PAPSS1: variants seen among roughly 807,000 people sequenced by gnomAD.
The protein encoded by PAPSS1 is bifunctional 3'-phosphoadenosine 5'-phosphosulfate synthase 1.
Under a neutral mutation model 72.0 loss-of-function variants are expected in PAPSS1, and 50 were observed. The observed-to-expected ratio is 0.69, with a 90% CI of 0.55 to 0.88. PAPSS1 has a LOEUF of 0.88. Among genes scored for constraint, PAPSS1 ranks in the 40% least tolerant of loss-of-function variants. The pLI is 0.00. For synonymous variants in PAPSS1, 261 were observed against 263.6 expected, an observed-to-expected ratio of 0.99 and a Z score of 0.09; for missense variants, 657 against 782.2, an observed-to-expected ratio of 0.84 and a Z score of 1.91.
At chr4:107,617,749 A>C (rs1725858490) in intron 11 of PAPSS1, among the ~76,000 whole-genome samples, 1 of 152,216 alleles carries the variant, frequency 6.6e-6, no homozygotes, top group African/African-American at 2.4e-5. Context: ...AAAGATTAAC[A>C]GATATTGCTT....
chr4:107,650,014 A>G (rs1292254051), intron 9 of PAPSS1, among the ~76,000 whole-genome samples: 1 of 152,226 alleles, frequency 6.6e-6, no homozygotes, highest in Non-Finnish European at 1.5e-5. Flanking sequence ...CCAGCTACAG[A>G]ATGGTCTAAG....
intron 9 of PAPSS1, among the ~76,000 whole-genome samples, chr4:107,646,987 C>T (rs993482330): frequency 6.6e-6 from 1 of 152,180 alleles, no homozygotes. Flanking sequence ...TTCATCATCT[C>T]TTCACAAGAT....
intron 11 of PAPSS1, among the ~76,000 whole-genome samples, chr4:107,615,738 C>G (rs765248111): frequency 8.5e-5 from 13 of 152,070 alleles, no homozygotes; most frequent in Admixed American, 5.9e-4. Context: ...AAACTATATA[C>G]AAACATTGCT....
At chr4:107,718,403 T>TAA (rs200620384) in intron 1 of PAPSS1, 1 of 151,900 alleles carries the variant, frequency 6.6e-6, no homozygotes, top group African/African-American at 2.4e-5. Flanking sequence ...GTTTCTGGAG[T>TAA]AAAAAAAATA....
At chr4:107,615,849 G>C (rs1195326440) in intron 11 of PAPSS1, among the ~76,000 whole-genome samples, 1 of 152,148 alleles carries the variant, frequency 6.6e-6, no homozygotes, top group East Asian at 1.9e-4. Context: ...AGAAAAGAAA[G>C]AGACAGGAGA....
At chr4:107,667,781 A>C (rs1294275500) in intron 5 of PAPSS1, among the ~76,000 whole-genome samples, 1 of 152,210 alleles carries the variant, frequency 6.6e-6, no homozygotes, top group Non-Finnish European at 1.5e-5. Flanking sequence ...TCATTAGGCA[A>C]AATGTGCCTC....
chr4:107,634,577 T>C (rs1431590951), intron 10 of PAPSS1, among the ~76,000 whole-genome samples: 1 of 152,118 alleles, frequency 6.6e-6, no homozygotes, highest in Non-Finnish European at 1.5e-5. Context: ...TATCTACACA[T>C]CATTTAAAAT....
intron 3 of PAPSS1, among the ~76,000 whole-genome samples, chr4:107,688,654 C>A (rs565676822): frequency 2.0e-5 from 3 of 152,124 alleles, no homozygotes; most frequent in African/African-American, 7.2e-5. Context: ...TCCCTTAACA[C>A]TGGAGTTGCC....
At chr4:107,705,191 T>C (rs1723308473) in intron 1 of PAPSS1, among the ~76,000 whole-genome samples, 2 of 152,184 alleles carry the variant, frequency 1.3e-5, no homozygotes, top group Admixed American at 1.3e-4. Flanking sequence ...TTTGGAAGTA[T>C]TCCCTCTTTA....
chr4:107,653,500 T>C lies in PAPSS1; in HGVS notation c.1228A>G (p.Met410Val), dbSNP rs540903836. 1.6e-5 allele frequency: 26 copies of C among 1,611,400 alleles called. No individual in the cohort carries two copies. The highest frequency in any genetic ancestry group is 2.7e-5 in the African/African-American group (2 of 74,854). Reference sequence around the variant, plus strand: ...TAAATCCATGTCTTACCAGCATTCATATCTTTAAATTTCTGCTTTAGCTCA... The same window carrying C: ...TAAATCCATGTCTTACCAGCATTCACATCTTTAAATTTCTGCTTTAGCTCA... Reference protein sequence around the residue: ...PTELKQKFKDMNADAVFAFQL... With the variant: ...PTELKQKFKDVNADAVFAFQL... The change falls in exon 9 of 12, where the codon ATG becomes GTG. Residue 410 changes from methionine (M) to valine (V), a missense_variant. Physicochemically the swap from Met to Val is conservative, Grantham distance 21. This residue lies in a region of PAPSS1 where 166 missense variants were observed against 228.3 expected (regional missense o/e 0.73). Transcript: ENST00000265174.
intron 5 of PAPSS1, among the ~76,000 whole-genome samples, chr4:107,680,953 G>A (rs1727789829): frequency 6.6e-6 from 1 of 152,088 alleles, no homozygotes; most frequent in Non-Finnish European, 1.5e-5. Context: ...CAGCTACAAT[G>A]TTTGGATAAA....
intron 11 of PAPSS1, among the ~76,000 whole-genome samples, chr4:107,615,104 C>T (rs116018764): frequency 6.0e-5 from 9 of 150,754 alleles, no homozygotes; most frequent in African/African-American, 2.2e-4. Context: ...TCTTCTGGAA[C>T]AGCAAGTAGC....
At chr4:107,661,080 T>G (rs908575095) in intron 5 of PAPSS1, among the ~76,000 whole-genome samples, 1 of 152,114 alleles carries the variant, frequency 6.6e-6, no homozygotes, top group East Asian at 1.9e-4. Flanking sequence ...AGAAGACACA[T>G]AGATTATAAA....
intron 4 of PAPSS1, among the ~76,000 whole-genome samples, chr4:107,684,944 C>A (rs573223866): frequency 3.3e-5 from 5 of 151,886 alleles, no homozygotes; most frequent in African/African-American, 4.8e-5. Flanking sequence ...CTCGCTCTGT[C>A]GCCCAGGCTA....
chr4:107,653,371 A>C (rs974519476), intron 9 of PAPSS1, 120 bp downstream of exon 9: 1 of 748,316 alleles, frequency 1.3e-6, no homozygotes, highest in African/African-American at 1.8e-5. Flanking sequence ...CTTTCTTTAC[A>C]TATTCCACTG....
At chr4:107,694,065 T>A in intron 2 of PAPSS1, 59 bp from the exon 3 acceptor site, 1 of 1,173,702 alleles carries the variant, frequency 8.5e-7, no homozygotes. Flanking sequence ...AACTATGTAG[T>A]AATACTTTTT....
At chr4:107,634,797 A>ATTTTTTTTTT (rs3083966) in intron 10 of PAPSS1, among the ~76,000 whole-genome samples, 9 of 116,000 alleles carry the variant, frequency 7.8e-5, no homozygotes, top group East Asian at 2.2e-4. Flanking sequence ...TATTCTAGAC[A>ATTTTTTTTTT]TTTTTTTTTT....
intron 6 of PAPSS1, among the ~76,000 whole-genome samples, chr4:107,657,935 A>G (rs1454393772): frequency 6.6e-6 from 1 of 152,172 alleles, no homozygotes; most frequent in Non-Finnish European, 1.5e-5. Flanking sequence ...CAGTGCACCC[A>G]AGCACACAGC....
chr4:107,699,404 A>G (rs1723152151), intron 2 of PAPSS1, among the ~76,000 whole-genome samples: 1 of 152,046 alleles, frequency 6.6e-6, no homozygotes, highest in Non-Finnish European at 1.5e-5. Context: ...ACAGAGGAAC[A>G]GACAAATATA....
Sources: allele counts gnomAD v4.1 joint callset (sites outside exome capture counted in the v4.1 genomes callset), GRCh38; gene constraint gnomAD v4.1.1; regional missense constraint gnomAD v4.1.1; transcripts MANE v1.5; gene names NCBI Gene and HGNC (gene_info 2026-07-23, HGNC 2026-07-21).